PKD1L1: variants seen among roughly 807,000 people sequenced by gnomAD.
PKD1L1 encodes the protein polycystin 1 like 1, transient receptor potential channel interacting.
In PKD1L1, 236 loss-of-function variants were observed where a neutral mutation model predicts 323.4. That is an observed-to-expected ratio of 0.73 (90% CI 0.66 to 0.81). PKD1L1 has a LOEUF of 0.81. Ranked by LOEUF, PKD1L1 falls within the 40% of genes least tolerant of loss-of-function variation. The pLI is 0.00. For synonymous variants in PKD1L1, 1,344 were observed against 1,335.0 expected, an observed-to-expected ratio of 1.01 and a Z score of -0.15; for missense variants, 3,320 against 3,508.0, an observed-to-expected ratio of 0.95 and a Z score of 1.35.
In PKD1L1 at chr7:47,880,287, T is replaced by TA. The variant is rs1786521484; in HGVS notation, c.3520+440_3520+441insT. Among the ~76,000 whole-genome samples, 5 of 101,502 alleles carry TA rather than the reference T, an allele frequency of 4.9e-5. No individual in the cohort carries two copies. In the East Asian group the frequency reaches 1.1e-3, roughly 22 times the overall value. The allele number at this position is 101,502 out of a possible 152,430, so 66.6% of individuals were successfully genotyped here. A position where few individuals can be genotyped will look rare whatever the true frequency, so the allele number is the denominator to read the frequency against. ...ATACATATATATATATATATATATT[T>TA]TTTTTTTTTTTTTTGAGACAGTCTT... On this transcript the variant is annotated intron_variant, in intron 21 of 56. Transcript: ENST00000289672.
intron 21 of PKD1L1, among the ~76,000 whole-genome samples, chr7:47,880,259 T>TATATAC (rs1300116243): frequency 1.1e-5 from 1 of 94,378 alleles, no homozygotes; most frequent in African/African-American, 5.6e-5. Flanking sequence ...TATATATATA[T>TATATAC]ATATACATAT....
In PKD1L1 at chr7:47,927,614, G is replaced by A. The variant is rs1190997219; in HGVS notation, c.1060+1590C>T. 3.9e-5 allele frequency among the ~76,000 whole-genome samples: 6 copies of A among 152,148 alleles called. No homozygotes were observed. The East Asian group carries it at 1.2e-3, about 29-fold the overall frequency. Reference sequence around the variant, plus strand: ...GCTCATTGAAACCCCATATTAGATGGAACTGTGAAAGTGCTCAGCTTGGTT... The same window carrying A: ...GCTCATTGAAACCCCATATTAGATGAAACTGTGAAAGTGCTCAGCTTGGTT... On this transcript the variant is annotated intron_variant, in intron 7 of 56. Coordinates refer to ENST00000289672, the MANE Select transcript of PKD1L1 (RefSeq NM_138295.5).
intron 42 of PKD1L1, 85 bp downstream of exon 42, chr7:47,831,132 G>A (rs887036429): frequency 9.4e-6 from 14 of 1,492,760 alleles, no homozygotes; most frequent in Non-Finnish European, 1.3e-5. Flanking sequence ...CATCTGATGA[G>A]TTCCCAGAAA....
intron 47 of PKD1L1, among the ~76,000 whole-genome samples, chr7:47,814,804 G>C (rs554180724): frequency 4.6e-5 from 7 of 152,258 alleles, no homozygotes; most frequent in African/African-American, 1.7e-4. Flanking sequence ...GAGCCACCGC[G>C]CCCAGGATAT....
In PKD1L1 at chr7:47,840,974, C is replaced by A. The variant is rs547100119; in HGVS notation, c.5446-407G>T. On this transcript the variant is annotated intron_variant, in intron 34 of 56. Transcript: ENST00000289672. The surrounding 1 kb of genome is among the most constrained non-coding windows in gnomAD (Gnocchi z 4.1). ...TAGGGTACCCATGCACCTGTGGGCACACCCTGGGGAGGCACATGACAATCT... is the reference window on the plus strand; with the variant it reads ...TAGGGTACCCATGCACCTGTGGGCAAACCCTGGGGAGGCACATGACAATCT... 3.9e-5 allele frequency among the ~76,000 whole-genome samples: 6 copies of A among 152,344 alleles called. No individual in the cohort carries two copies. In the South Asian group the frequency reaches 1.2e-3, roughly 32 times the overall value.
Position 47,898,107 on chromosome 7 carries a change from T to C in PKD1L1, c.2152A>G (p.Asn718Asp), listed in dbSNP as rs775748757. The C allele has an allele frequency of 6.2e-7, 1 of 1,614,068 alleles. No homozygotes were observed. Among genetic ancestry groups the C allele is most frequent in the South Asian group, 1.1e-5 (1 of 91,062 alleles). ...DISQGLSYTW[N>D]LMDSEGLPVS... ...GGGAGCCCTTCAGAGTCCATCAAGT[T>C]CCAGGTGTAAGAAAGACCTTGGGAA... The change falls in exon 14 of 57, where the codon AAC becomes GAC. Residue 718 changes from asparagine to aspartate, a missense_variant. Transcript: ENST00000289672.
At chr7:47,787,098 A>C (rs981315032) in intron 56 of PKD1L1, among the ~76,000 whole-genome samples, 18 of 152,182 alleles carry the variant, frequency 1.2e-4, no homozygotes, top group African/African-American at 4.3e-4. Flanking sequence ...TGAAGTTAGG[A>C]AATTCAAACG....
chr7:47,897,841 A>G, intron 14 of PKD1L1, 147 bp downstream of exon 14: 1 of 632,290 alleles, frequency 1.6e-6, no homozygotes, highest in Non-Finnish European at 2.7e-6. Flanking sequence ...TTTCTCTTAA[A>G]ATCCAATGCA....
intron 6 of PKD1L1, among the ~76,000 whole-genome samples, chr7:47,930,041 A>G (rs1787735054): frequency 6.6e-6 from 1 of 152,234 alleles, no homozygotes; most frequent in Non-Finnish European, 1.5e-5. Flanking sequence ...CTCAAGTCTC[A>G]GCTTCCAATC....
chr7:47,901,648 T>C (rs982744740), intron 13 of PKD1L1, among the ~76,000 whole-genome samples: 1 of 152,200 alleles, frequency 6.6e-6, no homozygotes, highest in Non-Finnish European at 1.5e-5. Context: ...GGCAGGGGTA[T>C]TGCCTGTGTG....
chr7:47,789,458 C>T (rs746786937), intron 56 of PKD1L1, among the ~76,000 whole-genome samples: 5 of 152,090 alleles, frequency 3.3e-5, no homozygotes, highest in Non-Finnish European at 7.4e-5. Context: ...TTTAATTGTT[C>T]GTAAAAAGAT....
At chr7:47,857,450 G>A (rs893893990) in intron 28 of PKD1L1, among the ~76,000 whole-genome samples, 155 bp downstream of exon 28, 2 of 152,180 alleles carry the variant, frequency 1.3e-5, no homozygotes, top group African/African-American at 4.8e-5. Context: ...AGTCAGCAAC[G>A]TGTTCTAAGT....
Position 47,839,742 on chromosome 7 carries a change from T to C in PKD1L1, c.5553-80A>G. 1 of 1,351,164 alleles carries C rather than the reference T, an allele frequency of 7.4e-7. No individual in the cohort carries two copies. The highest frequency in any genetic ancestry group is 1.0e-6 in the Non-Finnish European group (1 of 979,444). 83.7% of individuals were successfully genotyped at this position (1,351,164 alleles called of 1,614,324 possible). On this transcript the variant is annotated intron_variant, in intron 35 of 56. Transcript: ENST00000289672. The surrounding 1 kb of genome is among the most constrained non-coding windows in gnomAD (Gnocchi z 4.3). ...ATCCCATCAGCCCCAATGCTCACCC[T>C]CAAGGCACTGATGGCCCACAGAGGG...
chr7:47,841,622 T>C (rs1402618482), intron 34 of PKD1L1, among the ~76,000 whole-genome samples: 2 of 152,240 alleles, frequency 1.3e-5, no homozygotes, highest in East Asian at 1.9e-4. Context: ...ACTATTATTA[T>C]TAATGTTATA....
chr7:47,872,168 T>C (rs1184561150), intron 24 of PKD1L1, among the ~76,000 whole-genome samples: 6 of 152,218 alleles, frequency 3.9e-5, no homozygotes, highest in Admixed American at 3.9e-4. Context: ...TTTGTTTTTC[T>C]ACCCCCTGCA....
intron 55 of PKD1L1, among the ~76,000 whole-genome samples, chr7:47,793,130 T>C (rs1309298962): frequency 6.6e-6 from 1 of 151,918 alleles, no homozygotes. Context: ...ATCCCTTCGA[T>C]TAATAAATCT....
chr7:47,860,140 TGATA>T (rs1785994482), intron 26 of PKD1L1, among the ~76,000 whole-genome samples: 2 of 152,374 alleles, frequency 1.3e-5, no homozygotes, highest in Admixed American at 1.3e-4. Context: ...TGTGTAGTGC[TGATA>T]GATGAGGATT....
At chr7:47,903,738 A>G (rs1231520262) in intron 12 of PKD1L1, among the ~76,000 whole-genome samples, 1 of 152,196 alleles carries the variant, frequency 6.6e-6, no homozygotes, top group African/African-American at 2.4e-5. Flanking sequence ...CCTGAGGCTC[A>G]GCCTTGACCA....
rs1411135152 is a variant in PKD1L1, at chr7:47,857,586, G to T, written c.4590+19C>A. 1 of 1,600,188 alleles carries T rather than the reference G, an allele frequency of 6.2e-7. No individual in the cohort carries two copies. The highest frequency in any genetic ancestry group is 2.2e-5 in the East Asian group (1 of 44,762). On this transcript the variant is annotated intron_variant, in intron 28 of 56. Transcript: ENST00000289672. ...TTGAAATGGTCATTAGAAGTGGCAGGTCATCTGTCAGCTTGTACCTGCCCA... is the reference window on the plus strand; with the variant it reads ...TTGAAATGGTCATTAGAAGTGGCAGTTCATCTGTCAGCTTGTACCTGCCCA...
Sources: gnomAD v4.1 joint callset for allele counts (sites outside exome capture counted in the v4.1 genomes callset) on GRCh38, gnomAD v4.1.1 for gene constraint, Gnocchi (gnomAD v3.1) non-coding constraint, MANE v1.5 for transcripts, NCBI Gene and HGNC (gene_info 2026-07-23, HGNC 2026-07-21) for gene names.